The following TNNI3K variants were observed in gnomAD, a reference collection of about 807,000 sequenced individuals.
The protein encoded by TNNI3K is TNNI3 interacting kinase.
TNNI3K carries 140 observed loss-of-function variants against 114.5 expected under a neutral mutation model. The observed-to-expected ratio is 1.22, with a 90% CI of 1.07 to 1.41. TNNI3K has a LOEUF of 1.41. TNNI3K is among the 40% of genes most tolerant of loss of function. The pLI is 0.00. For missense variants in TNNI3K, 1,125 were observed against 1,007.6 expected, an observed-to-expected ratio of 1.12 and a Z score of -1.58; for synonymous variants, 347 against 347.5, an observed-to-expected ratio of 1.00 and a Z score of 0.02.
At chr1:74,249,324 C>T (rs1654782707) in intron 2 of TNNI3K, 135 bp from the exon 3 acceptor site, 7 of 873,518 alleles carry the variant, frequency 8.0e-6, no homozygotes, top group African/African-American at 1.7e-5. Flanking sequence ...AAGATTCTTT[C>T]TGTAAGTGCA....
chr1:74,436,461 C>A lies in TNNI3K; in HGVS notation c.1826-13C>A. ...TATTTCCTTTGACGTGATTTATTTT[C>A]TCTTTCCCTCAGAATCAAGATTTCT... On this transcript the variant is annotated splice_polypyrimidine_tract_variant and intron_variant, in intron 18 of 24. Coordinates refer to ENST00000326637, the MANE Select transcript of TNNI3K (RefSeq NM_015978.3). 6.4e-7 allele frequency: 1 copy of A among 1,570,582 alleles called. No individual in the cohort carries two copies. Among genetic ancestry groups the A allele is most frequent in the Non-Finnish European group, 8.6e-7 (1 of 1,167,844 alleles).
intron 23 of TNNI3K, among the ~76,000 whole-genome samples, chr1:74,521,018 C>T (rs974029151): frequency 3.3e-5 from 5 of 152,106 alleles, no homozygotes; most frequent in Non-Finnish European, 5.9e-5. Context: ...ACAGATCCAC[C>T]TTCTCTGCTC....
chr1:74,443,373 A>C (rs1166744727), intron 20 of TNNI3K, among the ~76,000 whole-genome samples: 1 of 152,196 alleles, frequency 6.6e-6, no homozygotes, highest in Non-Finnish European at 1.5e-5. Context: ...AGAGAATACT[A>C]TAAACACCTC....
chr1:74,251,595 A>G (rs1259882930), intron 4 of TNNI3K, among the ~76,000 whole-genome samples: 1 of 152,154 alleles, frequency 6.6e-6, no homozygotes, highest in Non-Finnish European at 1.5e-5. Flanking sequence ...CCAGAATCTT[A>G]TTTGTATATT....
chr1:74,469,409 C>T (rs1667808962), intron 21 of TNNI3K: 1 of 152,510 alleles, frequency 6.6e-6, no homozygotes, highest in Non-Finnish European at 1.5e-5. Flanking sequence ...TATTTTCATA[C>T]TATAATTAGG....
In TNNI3K at chr1:74,516,297, T is replaced by A. The variant is rs142694170; in HGVS notation, c.2352-23937T>A. Among the ~76,000 whole-genome samples, 712 of 152,292 alleles carry A rather than the reference T, an allele frequency of 4.7e-3. 4 individuals carry two copies. The highest frequency in any genetic ancestry group is 7.9e-3 in the Admixed American group (121 of 15,294). ...TGTTCACTCATCTGCTCAATCACTA[T>A]TTACTTGGATGGGGAAGGGATTCAT... On this transcript the variant is annotated intron_variant, in intron 23 of 24. Transcript: ENST00000326637.
intron 11 of TNNI3K, among the ~76,000 whole-genome samples, chr1:74,361,010 A>G (rs893249640): frequency 1.1e-4 from 17 of 152,032 alleles, no homozygotes; most frequent in Admixed American, 3.3e-4. Flanking sequence ...TTTAGACAAC[A>G]TTCTTTTCCA....
chr1:74,442,890 C>A (rs892937192), intron 20 of TNNI3K, among the ~76,000 whole-genome samples: 3 of 150,526 alleles, frequency 2.0e-5, no homozygotes, highest in African/African-American at 7.5e-5. Flanking sequence ...CATGAAAATT[C>A]AAAACCTGCT....
intron 17 of TNNI3K, among the ~76,000 whole-genome samples, chr1:74,409,312 CT>C (rs1260414782): frequency 6.6e-6 from 1 of 152,120 alleles, no homozygotes; most frequent in Non-Finnish European, 1.5e-5. Context: ...TCCAAATCTC[CT>C]TACTCAATAA....
At chr1:74,377,636 A>G (rs1278958337) in intron 17 of TNNI3K, among the ~76,000 whole-genome samples, 1 of 152,094 alleles carries the variant, frequency 6.6e-6, no homozygotes, top group East Asian at 1.9e-4. Context: ...ATATTAGTCT[A>G]GGGTTTATAG....
intron 21 of TNNI3K, among the ~76,000 whole-genome samples, chr1:74,484,648 A>G (rs1668662030): frequency 6.6e-6 from 1 of 152,164 alleles, no homozygotes; most frequent in South Asian, 2.1e-4. Context: ...AGAGGATCCA[A>G]TGCAAAGTTC....
At chr1:74,350,980 TTGTTA>T (rs1219171186) in intron 9 of TNNI3K, among the ~76,000 whole-genome samples, 1 of 152,074 alleles carries the variant, frequency 6.6e-6, no homozygotes, top group African/African-American at 2.4e-5. Flanking sequence ...AAGGTTAGTA[TTGTTA>T]TGTGTGAACT....
intron 17 of TNNI3K, among the ~76,000 whole-genome samples, chr1:74,377,748 C>G (rs1662980886): frequency 6.6e-6 from 1 of 151,082 alleles, no homozygotes; most frequent in African/African-American, 2.4e-5. Flanking sequence ...CTCCTGGGAA[C>G]TTTCTGATAT....
At chr1:74,424,372 G>C (rs1302766331) in intron 17 of TNNI3K, among the ~76,000 whole-genome samples, 1 of 152,036 alleles carries the variant, frequency 6.6e-6, no homozygotes, top group Non-Finnish European at 1.5e-5. Context: ...AGAGGGGATG[G>C]TCAGTGAAGA....
chr1:74,464,809 C>A, intron 21 of TNNI3K: 2 of 1,504,776 alleles, frequency 1.3e-6, no homozygotes, highest in Non-Finnish European at 1.8e-6. Context: ...CCATCACTAC[C>A]AAAATGTTAG....
rs183257142 is a variant in TNNI3K at position 74,301,805 on chromosome 1, C to T, written c.445-29645C>T. 3.0e-3 allele frequency among the ~76,000 whole-genome samples: 457 copies of T among 152,260 alleles called. 3 individuals are homozygous for T. Among genetic ancestry groups the T allele is most frequent in the Non-Finnish European group, 4.3e-3 (290 of 68,014 alleles). ...GCCTTCAATAACCATACTTGCTTTT[C>T]CATGCTATTTCTCCTGTGGTTGACT... On this transcript the variant is annotated intron_variant, in intron 5 of 24. Coordinates refer to ENST00000326637, the MANE Select transcript of TNNI3K (RefSeq NM_015978.3).
chr1:74,471,077 C>T (rs1417543829), intron 21 of TNNI3K: 3 of 400,620 alleles, frequency 7.5e-6, no homozygotes, highest in Non-Finnish European at 1.3e-5. Flanking sequence ...TGCCTGTGCT[C>T]AGCATCAGTG....
At chr1:74,479,779 G>A (rs972316929) in intron 21 of TNNI3K, among the ~76,000 whole-genome samples, 2 of 152,196 alleles carry the variant, frequency 1.3e-5, no homozygotes, top group African/African-American at 4.8e-5. Context: ...ATCTCCTAGT[G>A]TCATAACAAA....
At chr1:74,472,507 G>T (rs967645891) in intron 21 of TNNI3K, among the ~76,000 whole-genome samples, 9 of 152,202 alleles carry the variant, frequency 5.9e-5, no homozygotes, top group African/African-American at 1.9e-4. Flanking sequence ...CTTTAAATAT[G>T]AATAGTATGT....
Sources: allele counts gnomAD v4.1 joint callset (sites outside exome capture counted in the v4.1 genomes callset), GRCh38; gene constraint gnomAD v4.1.1; transcripts MANE v1.5; gene names NCBI Gene and HGNC (gene_info 2026-07-23, HGNC 2026-07-21).